ZNF718: variants seen among roughly 807,000 people sequenced by gnomAD.
The protein encoded by ZNF718 is zinc finger protein 718.
In ZNF718, 3 loss-of-function variants were observed where a neutral mutation model predicts 2.6. The observed-to-expected ratio is 1.16, with a 90% confidence interval of 0.53 to 3.01. The LOEUF (loss-of-function observed/expected upper bound fraction) is 3.01, where lower values mean the gene tolerates loss of function less well. Among genes scored for constraint, ZNF718 ranks in the 30% most tolerant of loss-of-function variants. ZNF718 has a pLI of 0.03. For synonymous variants in ZNF718, 135 were observed against 77.9 expected (o/e 1.73, Z -3.86); for missense variants, 468 against 230.0 (o/e 2.03, Z -6.69).
In ZNF718 at chr4:145,984, A is replaced by C. The variant is rs147679643; in HGVS notation, c.226+14479A>C. On this transcript the variant is annotated intron_variant, in intron 3 of 3. Coordinates refer to ENST00000510175, the MANE Select transcript of ZNF718 (RefSeq NM_001039127.6). ...TTTTAATATTGTGTACCTGTTAACA[A>C]ATATACTGAAGCTATATGTGTTTTA... Among the ~76,000 whole-genome samples the C allele has an allele frequency of 8.5e-3, 1,293 of 151,952 alleles. 17 individuals carry two copies. The highest frequency in any genetic ancestry group is 0.062 in the Middle Eastern group (18 of 292).
At chr4:181,207 T>C (rs1160403269) in intron 3 of ZNF718, among the ~76,000 whole-genome samples, 2 of 140,998 alleles carry the variant, frequency 1.4e-5, no homozygotes, top group African/African-American at 5.2e-5. Context: ...AGTCTCACTA[T>C]GTTGCCCAGG....
At position 161,197 on chromosome 4, in the gene ZNF718, T is replaced by G. The variant is rs1553814996; in HGVS notation, c.512T>G (p.Phe171Cys). ...ATAAGATATACTGGAGATAAAACCT[T>G]TAAATGTAAAGAATGTGGCAAATCA... is the stretch of plus-strand genomic sequence containing the variant. Reference protein sequence around the residue: ...DKIRYTGDKTFKCKECGKSFH... With the variant: ...DKIRYTGDKTCKCKECGKSFH... The change falls in exon 4 of 4, where the codon TTT becomes TGT. Residue 171 changes from phenylalanine to cysteine, a missense_variant. Transcript: ENST00000510175. The G allele has an allele frequency of 1.3e-6, 1 of 771,036 alleles. No homozygotes were observed. Among genetic ancestry groups the G allele is most frequent in the Non-Finnish European group, 2.4e-6 (1 of 414,434 alleles). 47.8% of individuals were successfully genotyped at this position (771,036 alleles called of 1,614,324 possible).
In ZNF718 at chr4:162,728, T is replaced by C. The variant is rs562711567; in HGVS notation, c.*606T>C. The C allele has an allele frequency of 6.6e-6, 1 of 152,272 alleles. No individual in the cohort carries two copies. Among genetic ancestry groups the C allele is most frequent in the Admixed American group, 6.5e-5 (1 of 15,282 alleles). The allele number at this position is 152,272 out of a possible 1,614,324, so 9.4% of individuals were successfully genotyped here. A position where few individuals can be genotyped will look rare whatever the true frequency, so the allele number is the denominator to read the frequency against. On this transcript the variant is annotated 3_prime_UTR_variant, in exon 4 of 4. Coordinates refer to ENST00000510175, the MANE Select transcript of ZNF718 (RefSeq NM_001039127.6). ...TTTCTTTGACATTAGAGAATTTATA[T>C]TGGAAAGAAATTTTACAAATGTAAT... is the stretch of plus-strand genomic sequence containing the variant.
At chr4:137,241 TA>T (rs1309889771) in intron 3 of ZNF718, among the ~76,000 whole-genome samples, 28 of 146,706 alleles carry the variant, frequency 1.9e-4, no homozygotes, top group Non-Finnish European at 2.3e-4. Context: ...AACCTTTTTC[TA>T]AAAAAAAAAA....
intron 3 of ZNF718, among the ~76,000 whole-genome samples, chr4:190,812 G>A (rs1055630756): frequency 6.6e-6 from 1 of 151,900 alleles, no homozygotes; most frequent in South Asian, 2.1e-4. Context: ...AGGCTGGGGC[G>A]GGCAGATCAC....
At chr4:200,951 C>T (rs897155470) in intron 3 of ZNF718, 6 of 152,360 alleles carry the variant, frequency 3.9e-5, no homozygotes, top group East Asian at 1.9e-4. Flanking sequence ...GTATAATTAA[C>T]GTTAAAAAAG....
chr4:171,561 G>A (rs1717231298), intron 3 of ZNF718, among the ~76,000 whole-genome samples: 1 of 152,048 alleles, frequency 6.6e-6, no homozygotes, highest in African/African-American at 2.4e-5. Context: ...CCCTCCCCCA[G>A]CCTCACTGCC....
At position 124,569 on chromosome 4, in the gene ZNF718, A is replaced by G. The variant is rs1715105306; in HGVS notation, c.-102A>G. ...TCGCTCTGCTCCCGCTCCTTAGGGA[A>G]GCCTCGGTGATTCTGCCACAGCCTC... On this transcript the variant is annotated 5_prime_UTR_variant, in exon 1 of 4. Transcript: ENST00000510175. 8 of 1,526,722 alleles carry G rather than the reference A, an allele frequency of 5.2e-6. No individual in the cohort carries two copies. The highest frequency in any genetic ancestry group is 5.4e-6 in the Non-Finnish European group (6 of 1,115,732). The allele number at this position is 1,526,722 out of a possible 1,614,324, so 94.6% of individuals were successfully genotyped here.
chr4:132,622 T>C (rs1715375403), intron 3 of ZNF718, among the ~76,000 whole-genome samples: 1 of 104,704 alleles, frequency 9.6e-6, no homozygotes, highest in Non-Finnish European at 2.1e-5. Flanking sequence ...CTTTTCTGCT[T>C]AGTGATTTTT....
At position 161,781 on chromosome 4, in the gene ZNF718, C is replaced by A. The variant is rs782486621; in HGVS notation, c.1096C>A (p.Pro366Thr). The change falls in exon 4 of 4, where the codon CCC becomes ACC. Residue 366 changes from proline (P) to threonine (T), a missense_variant. Pro to Thr is a conservative substitution (Grantham distance 38, BLOSUM62 -1). Transcript: ENST00000510175. ...THKRIHTGEK[P>T]YTCEECGKAF... ...TAAGAGAATCCATACTGGAGAGAAA[C>A]CCTACACATGTGAAGAATGTGGAAA... 3.8e-6 allele frequency: 3 copies of A among 780,672 alleles called. No homozygotes were observed. Among genetic ancestry groups the A allele is most frequent in the Non-Finnish European group, 7.2e-6 (3 of 417,972 alleles). The allele number at this position is 780,672 out of a possible 1,614,324, so 48.4% of individuals were successfully genotyped here. A position where few individuals can be genotyped will look rare whatever the true frequency, so the allele number is the denominator to read the frequency against.
chr4:124,703 C>T (rs377006565), intron 1 of ZNF718, 30 bp downstream of exon 1: 3 of 1,607,886 alleles, frequency 1.9e-6, no homozygotes, highest in Non-Finnish European at 2.5e-6. Context: ...CGTCCCAAGG[C>T]TGTGGAGGCC....
chr4:130,953 C>A, intron 2 of ZNF718, 39 bp downstream of exon 2: 1 of 290,406 alleles, frequency 3.4e-6, no homozygotes, highest in South Asian at 8.3e-5. Context: ...AATACTTTTT[C>A]AGAATTTCAT....
chr4:141,994 A>C (rs782693496), intron 3 of ZNF718: 1 of 519,526 alleles, frequency 1.9e-6, no homozygotes, highest in Non-Finnish European at 3.9e-6. Flanking sequence ...AGCAGGTAAA[A>C]AAGCTTTTTA....
rs538104217 is a variant in ZNF718, at chr4:172,858, A to G, written c.227-28223A>G. ...ATCACAAGGTCAAGAGATTGAGACC[A>G]TCCTGGCCAACATGGTGAAACTCCG... On this transcript the variant is annotated intron_variant and NMD_transcript_variant, in intron 3 of 4. Transcript: ENST00000642529. 3.9e-5 allele frequency among the ~76,000 whole-genome samples: 6 copies of G among 152,146 alleles called. No homozygotes were observed. In the South Asian group the frequency reaches 1.2e-3, roughly 32 times the overall value.
At chr4:134,401 C>A (rs1410307596) in intron 3 of ZNF718, among the ~76,000 whole-genome samples, 3 of 152,158 alleles carry the variant, frequency 2.0e-5, no homozygotes, top group African/African-American at 7.2e-5. Context: ...CCTCGGCCTC[C>A]CAAAGTGCTG....
chr4:171,814 T>C (rs1157603026), intron 3 of ZNF718, among the ~76,000 whole-genome samples: 1 of 152,196 alleles, frequency 6.6e-6, no homozygotes, highest in East Asian at 1.9e-4. Flanking sequence ...TGCCTCGCCC[T>C]GCTTCAGCTC....
chr4:175,196 C>T (rs371223741), intron 3 of ZNF718, among the ~76,000 whole-genome samples: 2 of 152,204 alleles, frequency 1.3e-5, no homozygotes, highest in Non-Finnish European at 2.9e-5. Flanking sequence ...ACACTTGCAA[C>T]AACCAACAAC....
At chr4:173,475 G>GT (rs1717281108) in intron 3 of ZNF718, among the ~76,000 whole-genome samples, 1 of 152,138 alleles carries the variant, frequency 6.6e-6, no homozygotes. Flanking sequence ...CCTCAGCTCA[G>GT]CAGTCAGAGC....
intron 3 of ZNF718, among the ~76,000 whole-genome samples, chr4:176,380 A>G (rs1553819089): frequency 6.6e-6 from 1 of 152,032 alleles, no homozygotes; most frequent in African/African-American, 2.4e-5. Context: ...CTTAAGCCCA[A>G]CCCCATTGTT....
Sources: allele counts gnomAD v4.1 joint callset (sites outside exome capture counted in the v4.1 genomes callset), GRCh38; gene constraint gnomAD v4.1.1; transcripts MANE v1.5; gene names NCBI Gene and HGNC (gene_info 2026-07-23, HGNC 2026-07-21).